The following PAK6 variants were observed in gnomAD, a reference collection of about 807,000 sequenced individuals.
PAK6 encodes serine/threonine-protein kinase PAK 6.
Under a neutral mutation model 60.8 loss-of-function variants are expected in PAK6, and 33 were observed. The observed-to-expected ratio is 0.54, with a 90% CI of 0.41 to 0.73. The LOEUF is 0.73. PAK6 is among the 30% of genes least tolerant of loss of function. The probability of loss-of-function intolerance (pLI) is 0.00; values close to 1 mark genes in which losing one functional copy is unlikely to be tolerated. For synonymous variants in PAK6, 404 were observed against 378.5 expected, an observed-to-expected ratio of 1.07 and a Z score of -0.78; for missense variants, 845 against 904.1, an observed-to-expected ratio of 0.93 and a Z score of 0.84.
chr15:40,244,403 A>C (rs983923649), intron 2 of PAK6, among the ~76,000 whole-genome samples: 125 of 136,674 alleles, frequency 9.1e-4, no homozygotes, highest in Non-Finnish European at 1.4e-3. Flanking sequence ...TTTTCTTTTT[A>C]TTTTTTTTTT....
intron 9 of PAK6, chr15:40,273,926 C>T (rs2039380051): frequency 3.0e-6 from 2 of 671,174 alleles, no homozygotes; most frequent in Non-Finnish European, 2.5e-6. Context: ...TGTATGATGG[C>T]CTTTCTCTGA....
intron 7 of PAK6, 58 bp downstream of exon 7, chr15:40,273,057 A>T: frequency 6.3e-7 from 1 of 1,591,530 alleles, no homozygotes; most frequent in Non-Finnish European, 8.6e-7. Context: ...TGGCCCTGCC[A>T]GGGCAATGTG....
chr15:40,265,537 T>C (rs1415441820), intron 4 of PAK6, among the ~76,000 whole-genome samples: 1 of 152,048 alleles, frequency 6.6e-6, no homozygotes, highest in African/African-American at 2.4e-5. Context: ...CCCCGCCCCC[T>C]GAGCTCCAGC....
intron 2 of PAK6, among the ~76,000 whole-genome samples, chr15:40,249,163 G>C (rs915081906): frequency 2.0e-5 from 3 of 152,138 alleles, no homozygotes; most frequent in South Asian, 4.1e-4. Context: ...CTCTCTGGGG[G>C]CCTCTTTCAT....
intron 5 of PAK6, among the ~76,000 whole-genome samples, chr15:40,268,417 G>A (rs1455968464): frequency 6.6e-6 from 1 of 152,188 alleles, no homozygotes; most frequent in African/African-American, 2.4e-5. Flanking sequence ...ACTGCCAAAT[G>A]TCACTCGAGC....
intron 2 of PAK6, chr15:40,252,346 G>A (rs944723251): frequency 4.6e-6 from 6 of 1,291,564 alleles, no homozygotes; most frequent in Admixed American, 2.4e-5. Context: ...GCCGCAGGCA[G>A]GTCCCCGCGG....
chr15:40,270,478 A>G (rs1183545967), intron 5 of PAK6, among the ~76,000 whole-genome samples: 2 of 152,082 alleles, frequency 1.3e-5, no homozygotes, highest in African/African-American at 4.8e-5. Flanking sequence ...ACGTCCCTGC[A>G]TTGTAGTGGA....
At chr15:40,276,829 G>A (rs1206214606) in exon 11 of PAK6, 1 of 148,546 alleles carries the variant, frequency 6.7e-6, no homozygotes, top group African/African-American at 2.5e-5. Context: ...GGTCCCTCCA[G>A]GTCACCCACA....
At chr15:40,260,711 A>G (rs2038959371) in intron 3 of PAK6, among the ~76,000 whole-genome samples, 1 of 152,192 alleles carries the variant, frequency 6.6e-6, no homozygotes, top group African/African-American at 2.4e-5. Context: ...ATTTAAATTA[A>G]TCTGCAGGTT....
intron 3 of PAK6, among the ~76,000 whole-genome samples, chr15:40,262,509 AAACAACAAC>A (rs146960601): frequency 1.3e-5 from 2 of 149,892 alleles, no homozygotes; most frequent in Non-Finnish European, 2.9e-5. Flanking sequence ...TCCTTCTCAA[AAACAACAAC>A]AACAACAACA....
intron 2 of PAK6, among the ~76,000 whole-genome samples, chr15:40,250,052 C>T (rs1043359786): frequency 1.3e-5 from 2 of 152,246 alleles, no homozygotes; most frequent in Admixed American, 1.3e-4. Flanking sequence ...GTGCTCAGCA[C>T]GGCAACCTGG....
intron 5 of PAK6, among the ~76,000 whole-genome samples, chr15:40,269,787 G>A (rs2039250741): frequency 6.6e-6 from 1 of 152,178 alleles, no homozygotes; most frequent in Admixed American, 6.5e-5. Flanking sequence ...TCCAGACGCA[G>A]GCTCCGCCCT....
intron 2 of PAK6, chr15:40,252,564 G>T: frequency 7.4e-7 from 1 of 1,360,010 alleles, no homozygotes. Flanking sequence ...GCGGTCAGGT[G>T]AAGCCGGCGC....
At chr15:40,248,737 C>T (rs2038571020) in intron 2 of PAK6, among the ~76,000 whole-genome samples, 1 of 152,128 alleles carries the variant, frequency 6.6e-6, no homozygotes, top group African/African-American at 2.4e-5. Context: ...CTACCCGCAC[C>T]CCAGCCCTCT....
chr15:40,267,519 C>T lies in PAK6; in HGVS notation c.858+1024C>T, dbSNP rs560522821. The stretch of plus-strand genomic sequence containing the variant: ...AAAAATACAAAAAAAATTAGCCGGG[C>T]GCGGTGGCGGGCGCCTGTAGTCCAA... On this transcript the variant is annotated intron_variant, in intron 5 of 10. Coordinates refer to ENST00000560346, the Ensembl canonical transcript of PAK6. Among the ~76,000 whole-genome samples the T allele has an allele frequency of 7.2e-5, 11 of 152,262 alleles. No individual in the cohort carries two copies. The East Asian group carries it at 1.7e-3, about 24-fold the overall frequency.
At chr15:40,274,737 C>G (rs1461349256) in intron 10 of PAK6, among the ~76,000 whole-genome samples, 2 of 152,264 alleles carry the variant, frequency 1.3e-5, no homozygotes, top group African/African-American at 4.8e-5. Context: ...CACCCCGACA[C>G]AGCTAAGCCA....
At chr15:40,253,886 G>A (rs2038761497) in intron 3 of PAK6, among the ~76,000 whole-genome samples, 1 of 140,964 alleles carries the variant, frequency 7.1e-6, no homozygotes, top group African/African-American at 2.4e-5. Context: ...CCATTCTGGT[G>A]GTTTTTTGGG....
intron 2 of PAK6, among the ~76,000 whole-genome samples, chr15:40,249,134 G>A (rs2038586299): frequency 6.6e-6 from 1 of 152,150 alleles, no homozygotes; most frequent in Admixed American, 6.5e-5. Context: ...AACCTCACAT[G>A]ATGGAAAGGG....
chr15:40,248,637 T>TG (rs564780526), intron 2 of PAK6, among the ~76,000 whole-genome samples: 26 of 152,178 alleles, frequency 1.7e-4, no homozygotes, highest in Middle Eastern at 3.4e-3. Context: ...AGTGACAGAG[T>TG]GGGGGAACCT....
Sources: gnomAD v4.1 joint callset for allele counts (sites outside exome capture counted in the v4.1 genomes callset) on GRCh38, gnomAD v4.1.1 for gene constraint, MANE v1.5 for transcripts, NCBI Gene and HGNC (gene_info 2026-07-23, HGNC 2026-07-21) for gene names.